The following MYH10 variants were observed in gnomAD, a reference collection of about 807,000 sequenced individuals.
The protein encoded by MYH10 is myosin-10.
Under a neutral mutation model 257.8 loss-of-function variants are expected in MYH10, and 55 were observed. The ratio of observed to expected loss-of-function variants is 0.21; its 90% CI spans 0.17 to 0.27. The LOEUF (loss-of-function observed/expected upper bound fraction) is 0.27, where lower values mean the gene tolerates loss of function less well. MYH10 is among the 10% of genes least tolerant of loss of function. The pLI, the probability that MYH10 is intolerant of heterozygous loss-of-function variation, is 1.00. For synonymous variants in MYH10, 854 were observed against 921.7 expected (o/e 0.93, Z 1.33); for missense variants, 1,631 against 2,500.6 (o/e 0.65, Z 7.42).
Position 8,545,305 on chromosome 17 carries a change from T to C in MYH10, c.1431+143A>G. 4 of 872,216 alleles carry C rather than the reference T, an allele frequency of 4.6e-6. No individual in the cohort carries two copies. The South Asian group carries it at 5.3e-5, about 11-fold the overall frequency. 54.0% of individuals were successfully genotyped at this position (872,216 alleles called of 1,614,324 possible). On this transcript the variant is annotated intron_variant, in intron 13 of 42. Coordinates refer to ENST00000360416, the MANE Select transcript of MYH10 (RefSeq NM_001256012.3). The surrounding 1 kb of genome is among the most constrained non-coding windows in gnomAD (Gnocchi z 4.7). Reference sequence around the variant, plus strand: ...CAGACCTGCGGATTCACTGATTATTTGCCATTTATTGTTTGGCTCTACTAG... The same window carrying C: ...CAGACCTGCGGATTCACTGATTATTCGCCATTTATTGTTTGGCTCTACTAG...
intron 11 of MYH10, among the ~76,000 whole-genome samples, chr17:8,548,069 C>T (rs2082502326): frequency 6.6e-6 from 1 of 152,054 alleles, no homozygotes; most frequent in Admixed American, 6.6e-5. Context: ...GTTCTCCTCC[C>T]TCAATTCCCA....
intron 17 of MYH10, among the ~76,000 whole-genome samples, chr17:8,525,560 AG>A (rs2081814651): frequency 6.6e-6 from 1 of 152,216 alleles, no homozygotes; most frequent in Non-Finnish European, 1.5e-5. Context: ...ACAACAAAAG[AG>A]GAAGAGCACC....
rs962939501 is a variant in MYH10 at position 8,477,397 on chromosome 17, C to T, written c.5707-349G>A. Among the ~76,000 whole-genome samples, 21 of 152,110 alleles carry T rather than the reference C, an allele frequency of 1.4e-4. No homozygotes were observed. The highest frequency in any genetic ancestry group is 4.6e-4 in the African/African-American group (19 of 41,398). On this transcript the variant is annotated intron_variant, in intron 41 of 42. Coordinates refer to ENST00000360416, the MANE Select transcript of MYH10 (RefSeq NM_001256012.3). The surrounding 1 kb of genome is among the most constrained non-coding windows in gnomAD (Gnocchi z 4.2). ...CTATTCTTGCAAAACGTGGAAGAAC[C>T]AGCAATGTGGGACAATCCCCAGCCC...
intron 3 of MYH10, among the ~76,000 whole-genome samples, chr17:8,592,933 C>CCACATATATATATATATA (rs1555612260): frequency 2.2e-5 from 1 of 44,712 alleles, no homozygotes. Context: ...TCAAATCCAG[C>CCACATATATATATATATA]TATATATATA....
intron 2 of MYH10, among the ~76,000 whole-genome samples, chr17:8,611,752 C>G (rs8065684): frequency 0.8 from 121,665 of 152,126 alleles, 49,252 homozygotes; most frequent in African/African-American, 0.95. Flanking sequence ...GAATGTGAGA[C>G]CCAGATGGGA....
chr17:8,628,430 A>G (rs2085764428), intron 1 of MYH10, among the ~76,000 whole-genome samples: 1 of 152,206 alleles, frequency 6.6e-6, no homozygotes, highest in African/African-American at 2.4e-5. Context: ...GAGTGTGGAC[A>G]GAGGCAAACA....
intron 14 of MYH10, among the ~76,000 whole-genome samples, chr17:8,540,943 C>T (rs2082273939): frequency 6.6e-6 from 1 of 152,226 alleles, no homozygotes; most frequent in South Asian, 2.1e-4. Context: ...AAAGAAGCAA[C>T]TATCCTCACA....
intron 37 of MYH10, 110 bp downstream of exon 37, chr17:8,484,028 A>G (rs368682821): frequency 2.6e-5 from 27 of 1,043,872 alleles, no homozygotes; most frequent in East Asian, 1.3e-4. Flanking sequence ...AAAAACAAAA[A>G]TGTATACTGA....
rs114786119 is a variant in MYH10 at position 8,573,291 on chromosome 17, C to T, written c.663+3352G>A. 6.3e-3 allele frequency among the ~76,000 whole-genome samples: 959 copies of T among 152,326 alleles called. 6 individuals carry two copies. The highest frequency in any genetic ancestry group is 0.022 in the African/African-American group (926 of 41,564). On this transcript the variant is annotated intron_variant, in intron 6 of 42. Coordinates refer to ENST00000360416, the MANE Select transcript of MYH10 (RefSeq NM_001256012.3). ...CAGGCTGAGATCCGGCTGTACCTTG[C>T]AGGCCTGGCAGGGCAGAGCTGCAGG...
rs190483480 is a variant in MYH10 at position 8,509,198 on chromosome 17, G to A, written c.3091-521C>T. Among the ~76,000 whole-genome samples the A allele has an allele frequency of 8.2e-4, 125 of 152,254 alleles. 4 individuals carry two copies. The highest frequency in any genetic ancestry group is 8.1e-3 in the Admixed American group (124 of 15,294). The stretch of plus-strand genomic sequence containing the variant: ...TGTGTGGATATGTTTAGATACACAA[G>A]TACTTATTAGCACTGTGTTCCAACT... On this transcript the variant is annotated intron_variant, in intron 25 of 42. Transcript: ENST00000360416.
chr17:8,590,017 C>T (rs377681855), intron 3 of MYH10, among the ~76,000 whole-genome samples: 3 of 152,164 alleles, frequency 2.0e-5, no homozygotes, highest in Admixed American at 6.5e-5. Flanking sequence ...CTCAACAATA[C>T]GAAACAAGTT....
At chr17:8,516,181 C>T (rs1433216372) in intron 21 of MYH10, among the ~76,000 whole-genome samples, 2 of 152,206 alleles carry the variant, frequency 1.3e-5, no homozygotes, top group Non-Finnish European at 2.9e-5. Context: ...GCTGTGACAT[C>T]AACCTATCTC....
Position 8,531,666 on chromosome 17 carries a change from C to T in MYH10, c.1895-981G>A, listed in dbSNP as rs567470587. On this transcript the variant is annotated intron_variant, in intron 16 of 42. Coordinates refer to ENST00000360416, the MANE Select transcript of MYH10 (RefSeq NM_001256012.3). ...TCAGCCTCCCAAACTGCTGGGATTA[C>T]AGGCGTGAGCCACCGTGCCCAGCCA... 4.6e-5 allele frequency among the ~76,000 whole-genome samples: 7 copies of T among 151,638 alleles called. No individual in the cohort carries two copies. In the East Asian group the frequency reaches 1.2e-3, roughly 25 times the overall value.
intron 2 of MYH10, among the ~76,000 whole-genome samples, chr17:8,615,365 C>G (rs2085216632): frequency 6.6e-6 from 1 of 152,068 alleles, no homozygotes. Flanking sequence ...AAAACTCTAT[C>G]ATTACTTTAA....
At chr17:8,485,932 A>T (rs1185496243) in intron 36 of MYH10, among the ~76,000 whole-genome samples, 3 of 152,238 alleles carry the variant, frequency 2.0e-5, no homozygotes, top group Non-Finnish European at 4.4e-5. Context: ...CAAATGTCCA[A>T]CTGGGGGATA....
chr17:8,542,211 T>C lies in MYH10; in HGVS notation c.1501A>G (p.Met501Val). 6.2e-7 allele frequency: 1 copy of C among 1,614,178 alleles called. No individual in the cohort carries two copies. Among genetic ancestry groups the C allele is most frequent in the Non-Finnish European group, 8.5e-7 (1 of 1,180,024 alleles). ...EKLQQLFNHT[M>V]FILEQEEYQR... ...TATTCCTCTTGTTCTAGGATAAACA[T>C]GGTGTGGTTGAACAGCTGCTGCAGC... is the stretch of plus-strand genomic sequence containing the variant. The change falls in exon 14 of 43, where the codon ATG (methionine) becomes GTG (valine). Residue 501 changes from methionine (M) to valine (V), a missense_variant. This residue lies in a region of MYH10 where 63 missense variants were observed against 167.9 expected (regional missense o/e 0.38). Transcript: ENST00000360416.
At chr17:8,500,528 G>C (rs1440390984) in intron 29 of MYH10, among the ~76,000 whole-genome samples, 1 of 152,208 alleles carries the variant, frequency 6.6e-6, no homozygotes, top group Non-Finnish European at 1.5e-5. Flanking sequence ...AACCATTCGG[G>C]GTTTTGAGTG....
intron 3 of MYH10, among the ~76,000 whole-genome samples, chr17:8,592,239 T>C (rs952936958): frequency 1.3e-5 from 2 of 151,968 alleles, no homozygotes; most frequent in African/African-American, 4.8e-5. Flanking sequence ...TCTGGGCTCT[T>C]ACCTAAATAA....
At chr17:8,530,936 A>G (rs1433609607) in intron 16 of MYH10, among the ~76,000 whole-genome samples, 2 of 152,234 alleles carry the variant, frequency 1.3e-5, no homozygotes, top group African/African-American at 4.8e-5. Context: ...ATATGATATC[A>G]ATGTCAAATG....
Sources: gnomAD v4.1 joint callset for allele counts (sites outside exome capture counted in the v4.1 genomes callset) on GRCh38, gnomAD v4.1.1 for gene constraint, gnomAD v4.1.1 regional missense constraint, Gnocchi (gnomAD v3.1) non-coding constraint, MANE v1.5 for transcripts, NCBI Gene and HGNC (gene_info 2026-07-23, HGNC 2026-07-21) for gene names.